FAF1: variants seen among roughly 807,000 people sequenced by gnomAD.
The protein encoded by FAF1 is FAS-associated factor 1.
A neutral mutation model predicts 92.5 loss-of-function variants in FAF1; 25 were observed. The ratio of observed to expected loss-of-function variants is 0.27; its 90% CI spans 0.20 to 0.38. FAF1 has a LOEUF of 0.38. Ranked by LOEUF, FAF1 falls within the 10% of genes least tolerant of loss-of-function variation. The pLI, the probability that FAF1 is intolerant of heterozygous loss-of-function variation, is 1.00. For synonymous variants in FAF1, 234 were observed against 273.2 expected (o/e 0.86, Z 1.42); for missense variants, 636 against 793.3 (o/e 0.80, Z 2.38).
At chr1:50,557,537 G>A (rs1433607261) in intron 13 of FAF1, among the ~76,000 whole-genome samples, 1 of 152,072 alleles carries the variant, frequency 6.6e-6, no homozygotes. Context: ...TGGTATATTT[G>A]GCAGATTAGA....
intron 1 of FAF1, among the ~76,000 whole-genome samples, chr1:50,872,641 A>G (rs1416127530): frequency 6.6e-6 from 1 of 152,188 alleles, no homozygotes; most frequent in Non-Finnish European, 1.5e-5. Context: ...TCATGCCTAT[A>G]ATCCCAGCAC....
chr1:50,723,977 G>A (rs1396109850), intron 6 of FAF1, among the ~76,000 whole-genome samples: 1 of 151,992 alleles, frequency 6.6e-6, no homozygotes, highest in Non-Finnish European at 1.5e-5. Context: ...TCGAACTCCT[G>A]ACCTCAGGTG....
At chr1:50,663,982 T>C (rs912127565) in intron 7 of FAF1, among the ~76,000 whole-genome samples, 4 of 150,278 alleles carry the variant, frequency 2.7e-5, no homozygotes, top group African/African-American at 7.5e-5. Flanking sequence ...TTTCTGCTAA[T>C]TGAAAATCTG....
intron 4 of FAF1, among the ~76,000 whole-genome samples, chr1:50,774,264 C>T (rs1660875489): frequency 1.3e-5 from 2 of 152,306 alleles, no homozygotes; most frequent in South Asian, 4.1e-4. Context: ...CTCTTTCCTT[C>T]TTTTCACATG....
At chr1:50,712,548 C>T (rs372194994) in intron 6 of FAF1, among the ~76,000 whole-genome samples, 6 of 151,888 alleles carry the variant, frequency 4.0e-5, no homozygotes, top group East Asian at 3.9e-4. Flanking sequence ...CCCAGCTACT[C>T]GGGAGGCTGA....
intron 2 of FAF1, among the ~76,000 whole-genome samples, chr1:50,812,927 C>A (rs922023217): frequency 6.6e-6 from 1 of 152,156 alleles, no homozygotes; most frequent in African/African-American, 2.4e-5. Flanking sequence ...TGCAGCAACA[C>A]GGATGGTGCT....
In FAF1 at chr1:50,707,995, A is replaced by C. The variant is rs182390302; in HGVS notation, c.552-2104T>G. ...CAGTTAATTTTTGTATTTTTAGTAG[A>C]GATGAGGTTTCACTATGTTGGTCAC... On this transcript the variant is annotated intron_variant, in intron 6 of 18. Coordinates refer to ENST00000396153, the MANE Select transcript of FAF1 (RefSeq NM_007051.3). Among the ~76,000 whole-genome samples the C allele has an allele frequency of 6.1e-4, 93 of 152,288 alleles. No homozygotes were observed. In the Middle Eastern group the frequency reaches 0.017, roughly 28 times the overall value.
At chr1:50,724,306 C>CATACAT (rs1553132428) in intron 6 of FAF1, among the ~76,000 whole-genome samples, 1 of 145,232 alleles carries the variant, frequency 6.9e-6, no homozygotes, top group South Asian at 2.2e-4. Context: ...TACACACACA[C>CATACAT]ACACACACAC....
chr1:50,475,594 G>T lies in FAF1; in HGVS notation c.1739C>A (p.Thr580Asn), dbSNP rs981541397. The part of the protein sequence containing the change: ...AEPVSKLRIR[T>N]PSGEFLERRF... Reference sequence around the variant, plus strand: ...CCGCTCCAAGAACTCGCCACTGGGGGTCCGGATCCGCAGTTTGCTCACAGG... The same window carrying T: ...CCGCTCCAAGAACTCGCCACTGGGGTTCCGGATCCGCAGTTTGCTCACAGG... Residue 580 changes from threonine (T) to asparagine (N), a missense_variant, in exon 18 of 19, where the codon ACC becomes AAC. Coordinates refer to ENST00000396153, the MANE Select transcript of FAF1 (RefSeq NM_007051.3). 1 of 1,614,038 alleles carries T rather than the reference G, an allele frequency of 6.2e-7. No individual in the cohort carries two copies. The highest frequency in any genetic ancestry group is 8.5e-7 in the Non-Finnish European group (1 of 1,179,934).
intron 7 of FAF1, among the ~76,000 whole-genome samples, chr1:50,698,971 C>T (rs773074887): frequency 5.9e-5 from 9 of 151,918 alleles, no homozygotes; most frequent in Non-Finnish European, 1.2e-4. Flanking sequence ...AAATTCTAGA[C>T]ATTAATTTGA....
Position 50,755,435 on chromosome 1 carries a change from T to C in FAF1, c.368-10660A>G, listed in dbSNP as rs568354951. On this transcript the variant is annotated intron_variant, in intron 4 of 18. Transcript: ENST00000396153. The stretch of plus-strand genomic sequence containing the variant: ...CCCATGGCCTTGGGCAGCTCCGCCC[T>C]TGTGGCTTTGCAGGGTATAGCATAC... Among the ~76,000 whole-genome samples the C allele has an allele frequency of 4.6e-5, 7 of 152,322 alleles. No homozygotes were observed. The South Asian group carries it at 8.3e-4, about 18-fold the overall frequency.
intron 2 of FAF1, among the ~76,000 whole-genome samples, chr1:50,845,593 C>T (rs1187726876): frequency 2.0e-5 from 3 of 152,110 alleles, no homozygotes; most frequent in African/African-American, 7.2e-5. Flanking sequence ...TGCTCCCCCA[C>T]CTGCACAGAA....
intron 15 of FAF1, among the ~76,000 whole-genome samples, chr1:50,505,884 T>C (rs1647052545): frequency 6.6e-6 from 1 of 152,204 alleles, no homozygotes; most frequent in African/African-American, 2.4e-5. Context: ...ATTTAAAGTT[T>C]AGAAAATCTA....
chr1:50,866,216 C>A (rs1644480770), intron 1 of FAF1, among the ~76,000 whole-genome samples: 1 of 151,944 alleles, frequency 6.6e-6, no homozygotes, highest in Admixed American at 6.6e-5. Context: ...AATGACAAAC[C>A]CACAGCCGAC....
chr1:50,618,508 C>T (rs1179320925), intron 8 of FAF1, among the ~76,000 whole-genome samples: 1 of 146,422 alleles, frequency 6.8e-6, no homozygotes, highest in African/African-American at 2.5e-5. Flanking sequence ...GGTGATCAGG[C>T]TGCCTCGGCC....
chr1:50,769,333 A>T (rs1320013436), intron 4 of FAF1, among the ~76,000 whole-genome samples: 3 of 152,220 alleles, frequency 2.0e-5, no homozygotes, highest in South Asian at 2.1e-4. Flanking sequence ...GCCCAGGACC[A>T]GATGAGCTCA....
At chr1:50,525,804 T>C (rs1203764436) in intron 15 of FAF1, among the ~76,000 whole-genome samples, 2 of 152,186 alleles carry the variant, frequency 1.3e-5, no homozygotes, top group Non-Finnish European at 2.9e-5. Flanking sequence ...CAGTTGACTC[T>C]TGTTAGTATC....
chr1:50,927,168 T>C (rs1645012508), intron 1 of FAF1, among the ~76,000 whole-genome samples: 1 of 152,056 alleles, frequency 6.6e-6, no homozygotes, highest in Non-Finnish European at 1.5e-5. Flanking sequence ...TAGAGATGAG[T>C]GGTGGTGATG....
chr1:50,713,754 C>A (rs546888477), intron 6 of FAF1, among the ~76,000 whole-genome samples: 1 of 150,030 alleles, frequency 6.7e-6, no homozygotes, highest in African/African-American at 2.5e-5. Flanking sequence ...TAAGTCACTG[C>A]GCCTGGCAAA....
Sources: gnomAD v4.1 joint callset for allele counts (sites outside exome capture counted in the v4.1 genomes callset) on GRCh38, gnomAD v4.1.1 for gene constraint, MANE v1.5 for transcripts, NCBI Gene and HGNC (gene_info 2026-07-23, HGNC 2026-07-21) for gene names.